ATP8B1: variants seen among roughly 807,000 people sequenced by gnomAD.
ATP8B1 encodes the protein phospholipid-transporting ATPase IC.
Under a neutral mutation model 149.9 loss-of-function variants are expected in ATP8B1, and 80 were observed. The observed-to-expected ratio is 0.53, with a 90% confidence interval of 0.45 to 0.64. ATP8B1 has a LOEUF of 0.64. Among genes scored for constraint, ATP8B1 ranks in the 30% least tolerant of loss-of-function variants. The pLI, the probability that ATP8B1 is intolerant of heterozygous loss-of-function variation, is 0.00. For synonymous variants in ATP8B1, 536 were observed against 562.8 expected, an observed-to-expected ratio of 0.95 and a Z score of 0.67; for missense variants, 1,247 against 1,552.6, an observed-to-expected ratio of 0.80 and a Z score of 3.31.
At chr18:57,778,879 A>G (rs1417308467) in intron 1 of ATP8B1, among the ~76,000 whole-genome samples, 1 of 152,214 alleles carries the variant, frequency 6.6e-6, no homozygotes, top group Non-Finnish European at 1.5e-5. Context: ...CTAGAAGGGC[A>G]TCACCAGGTC....
chr18:57,647,178 T>C lies in ATP8B1; in HGVS notation c.*1310A>G, dbSNP rs561366413. ...AAAATATTCTGCAATTTATTACTGA[T>C]ATCCTCAGTTTTTAAAAACCCCCTT... On this transcript the variant is annotated 3_prime_UTR_variant, in exon 28 of 28. Coordinates refer to ENST00000648908, the MANE Select transcript of ATP8B1 (RefSeq NM_001374385.1). 1 of 152,346 alleles carries C rather than the reference T, an allele frequency of 6.6e-6. No individual in the cohort carries two copies. The highest frequency in any genetic ancestry group is 2.1e-4 in the South Asian group (1 of 4,828). 9.4% of individuals were successfully genotyped at this position (152,346 alleles called of 1,614,324 possible).
intron 1 of ATP8B1, among the ~76,000 whole-genome samples, chr18:57,780,464 T>A (rs2080346924): frequency 6.6e-6 from 1 of 152,180 alleles, no homozygotes; most frequent in South Asian, 2.1e-4. Flanking sequence ...CAATTAAAAC[T>A]ATGGTGGGCT....
At chr18:57,700,121 A>G (rs1442558345) in intron 6 of ATP8B1, among the ~76,000 whole-genome samples, 2 of 152,202 alleles carry the variant, frequency 1.3e-5, no homozygotes, top group East Asian at 3.8e-4. Context: ...AGCCCTGCTA[A>G]GAAGGTGCTG....
chr18:57,671,846 T>C (rs1328570325), intron 16 of ATP8B1, among the ~76,000 whole-genome samples: 1 of 151,982 alleles, frequency 6.6e-6, no homozygotes, highest in African/African-American at 2.4e-5. Flanking sequence ...GGTCTTGAAC[T>C]CCTGGGCTCA....
intron 1 of ATP8B1, chr18:57,740,393 AGTATGAAT>A (rs1221520058): frequency 6.6e-6 from 1 of 152,054 alleles, no homozygotes; most frequent in African/African-American, 2.4e-5. Flanking sequence ...ATATATAATA[AGTATGAAT>A]TATATTTCTA....
intron 1 of ATP8B1, among the ~76,000 whole-genome samples, chr18:57,761,903 T>C (rs182926272): frequency 1.4e-3 from 196 of 139,342 alleles, no homozygotes; most frequent in African/African-American, 5.1e-3. Flanking sequence ...TGAGCCGAGA[T>C]TGCGCCACTG....
chr18:57,671,864 C>T (rs1047135731), intron 16 of ATP8B1, among the ~76,000 whole-genome samples: 20 of 152,108 alleles, frequency 1.3e-4, no homozygotes, highest in Non-Finnish European at 2.2e-4. Context: ...TCAAGCAATC[C>T]TCCTGCCTCA....
At chr18:57,707,537 A>G (rs1393703974) in intron 2 of ATP8B1, among the ~76,000 whole-genome samples, 3 of 152,222 alleles carry the variant, frequency 2.0e-5, no homozygotes, top group African/African-American at 2.4e-5. Context: ...TTACAAAAAT[A>G]TCAGTCTTAA....
intron 2 of ATP8B1, among the ~76,000 whole-genome samples, chr18:57,708,149 C>T (rs1377639604): frequency 1.7e-5 from 2 of 119,698 alleles, no homozygotes; most frequent in Non-Finnish European, 3.4e-5. Flanking sequence ...CAGACGGAAA[C>T]TCTGTCTCAA....
intron 2 of ATP8B1, among the ~76,000 whole-genome samples, chr18:57,712,970 G>A (rs1913757234): frequency 1.3e-5 from 2 of 151,918 alleles, no homozygotes; most frequent in Non-Finnish European, 2.9e-5. Flanking sequence ...GAGCCCTTGA[G>A]CCCTGAATAA....
chr18:57,678,545 C>T lies in ATP8B1; in HGVS notation c.1631-3523G>A, dbSNP rs1034153714. On this transcript the variant is annotated intron_variant, in intron 15 of 27. Transcript: ENST00000648908. ...GAGGTTGCAGTGAACCGAGATCACA[C>T]CATTGCACTCCAGCCCAGGCGATAG... Among the ~76,000 whole-genome samples the T allele has an allele frequency of 2.7e-5, 4 of 148,302 alleles. 1 individual carries two copies. The Admixed American group carries it at 2.7e-4, about 10-fold the overall frequency.
At position 57,684,084 on chromosome 18, in the gene ATP8B1, A is replaced by G. The variant is rs1183928819; in HGVS notation, c.1582T>C (p.Phe528Leu). The G allele has an allele frequency of 6.2e-7, 1 of 1,614,196 alleles. No homozygotes were observed. Among genetic ancestry groups the G allele is most frequent in the East Asian group, 2.2e-5 (1 of 44,878 alleles). The change falls in exon 15 of 28, where the codon TTC (phenylalanine) becomes CTC (leucine). Residue 528 changes from phenylalanine to leucine, a missense_variant. By Grantham distance (22) the Phe-to-Leu change is conservative (BLOSUM62 0). Transcript: ENST00000648908. ...SGKEPEVRQF[F>L]FLLAVCHTVM... Reference sequence around the variant, plus strand: ...GTGTGGCAAACTGCGAGCAAGAAGAAGAACTGTCGTACTTCTGGCTCTTTC... The same window carrying G: ...GTGTGGCAAACTGCGAGCAAGAAGAGGAACTGTCGTACTTCTGGCTCTTTC...
chr18:57,665,629 T>G (rs1292047821), intron 20 of ATP8B1, among the ~76,000 whole-genome samples: 2 of 152,110 alleles, frequency 1.3e-5, no homozygotes, highest in Non-Finnish European at 2.9e-5. Flanking sequence ...CTTGGCTCAC[T>G]GCAACCTCTG....
intron 2 of ATP8B1, among the ~76,000 whole-genome samples, chr18:57,728,061 C>G (rs1283858213): frequency 1.3e-5 from 2 of 152,078 alleles, no homozygotes; most frequent in Non-Finnish European, 2.9e-5. Flanking sequence ...CAATAAAGGT[C>G]CTTCTAGTGA....
chr18:57,792,367 C>T lies in ATP8B1; in HGVS notation c.-26+10631G>A, dbSNP rs548636798. Among the ~76,000 whole-genome samples, 5 of 151,972 alleles carry T rather than the reference C, an allele frequency of 3.3e-5. No individual in the cohort carries two copies. The South Asian group carries it at 8.3e-4, about 25-fold the overall frequency. On this transcript the variant is annotated intron_variant, in intron 1 of 27. Coordinates refer to ENST00000648908, the MANE Select transcript of ATP8B1 (RefSeq NM_001374385.1). ...CTTGCCACGTTGCCCAGGCTGTTCT[C>T]GAACTCCTGAGCTCAAGTAATCTGC...
intron 1 of ATP8B1, among the ~76,000 whole-genome samples, chr18:57,773,487 C>T (rs1225953686): frequency 6.6e-6 from 1 of 152,200 alleles, no homozygotes; most frequent in East Asian, 1.9e-4. Context: ...TTAGCAACTG[C>T]TGCAGGCAGC....
At chr18:57,740,415 G>A (rs1357446220) in intron 1 of ATP8B1, 3 of 151,756 alleles carry the variant, frequency 2.0e-5, no homozygotes. Flanking sequence ...ATTTCTATAT[G>A]TTCTATGCTA....
chr18:57,672,886 G>GTATATA (rs1198919117), intron 16 of ATP8B1, among the ~76,000 whole-genome samples: 10 of 14,056 alleles, frequency 7.1e-4, no homozygotes, highest in African/African-American at 1.4e-3. Flanking sequence ...AAAAAAAAAA[G>GTATATA]TATATATATA....
At chr18:57,720,591 C>G (rs1188567803) in intron 2 of ATP8B1, among the ~76,000 whole-genome samples, 1 of 123,248 alleles carries the variant, frequency 8.1e-6, no homozygotes, top group East Asian at 2.3e-4. Flanking sequence ...AAATATGGGA[C>G]TATGTGAAAA....
Sources: gnomAD v4.1 joint callset for allele counts (sites outside exome capture counted in the v4.1 genomes callset) on GRCh38, gnomAD v4.1.1 for gene constraint, MANE v1.5 for transcripts, NCBI Gene and HGNC (gene_info 2026-07-23, HGNC 2026-07-21) for gene names.